Variants in SUPT3H observed in about 807,000 individuals in gnomAD.
SUPT3H encodes the protein transcription initiation protein SPT3 homolog.
Under a neutral mutation model 44.3 loss-of-function variants are expected in SUPT3H, and 44 were observed. The observed-to-expected ratio is 0.99, with a 90% CI of 0.78 to 1.28. SUPT3H has a LOEUF of 1.28. SUPT3H is among the 50% of genes most tolerant of loss of function. The pLI, the probability that SUPT3H is intolerant of heterozygous loss-of-function variation, is 0.00. For synonymous variants in SUPT3H, 124 were observed against 125.6 expected (o/e 0.99, Z 0.09); for missense variants, 380 against 387.1 (o/e 0.98, Z 0.15).
At chr6:45,129,609 T>G (rs1162973846) in intron 2 of SUPT3H, among the ~76,000 whole-genome samples, 2 of 152,152 alleles carry the variant, frequency 1.3e-5, no homozygotes, top group African/African-American at 2.4e-5. Context: ...ACTTGTGCTG[T>G]TTTTTTGTAC....
intron 2 of SUPT3H, among the ~76,000 whole-genome samples, chr6:45,287,514 T>C (rs936627197): frequency 3.9e-5 from 6 of 152,170 alleles, no homozygotes; most frequent in African/African-American, 1.4e-4. Context: ...AGGATGAATA[T>C]TGCATGATTC....
At chr6:45,343,526 A>T (rs556019347) in intron 2 of SUPT3H, among the ~76,000 whole-genome samples, 6 of 152,200 alleles carry the variant, frequency 3.9e-5, no homozygotes, top group Non-Finnish European at 7.4e-5. Context: ...TACACCCCTC[A>T]GTTTACCCAC....
At chr6:44,970,055 A>G (rs1294107434) in intron 6 of SUPT3H, among the ~76,000 whole-genome samples, 1 of 152,198 alleles carries the variant, frequency 6.6e-6, no homozygotes, top group Non-Finnish European at 1.5e-5. Context: ...GTTTCAAAAT[A>G]TTGAATTCAG....
intron 2 of SUPT3H, among the ~76,000 whole-genome samples, chr6:45,204,275 A>AAGAAGAAGAAGAAGAAGC (rs1762879673): frequency 6.6e-6 from 1 of 151,612 alleles, no homozygotes; most frequent in East Asian, 1.9e-4. Context: ...GAAGAAGAAG[A>AAGAAGAAGAAGAAGAAGC]AGAAGAACCA....
intron 2 of SUPT3H, among the ~76,000 whole-genome samples, chr6:45,342,065 AC>A (rs79663736): frequency 0.11 from 17,017 of 152,148 alleles, 1,347 homozygotes; most frequent in East Asian, 0.26. Flanking sequence ...AAAGAAACTA[AC>A]AGAAGAATTT....
intron 2 of SUPT3H, among the ~76,000 whole-genome samples, chr6:45,240,794 C>T (rs757283610): frequency 6.6e-5 from 10 of 152,148 alleles, no homozygotes; most frequent in African/African-American, 2.4e-4. Flanking sequence ...AGAGGCACCT[C>T]AACCTCAGAT....
intron 3 of SUPT3H, among the ~76,000 whole-genome samples, chr6:45,081,648 T>G (rs1480791930): frequency 6.6e-6 from 1 of 152,162 alleles, no homozygotes; most frequent in Non-Finnish European, 1.5e-5. Context: ...CCAATCTAAC[T>G]CTACGTCTTA....
intron 2 of SUPT3H, among the ~76,000 whole-genome samples, chr6:45,360,252 A>G (rs913895288): frequency 6.6e-6 from 1 of 152,192 alleles, no homozygotes; most frequent in Non-Finnish European, 1.5e-5. Flanking sequence ...AAAGGGGAAT[A>G]ATAGCATCTA....
At chr6:44,944,198 T>C (rs980328117) in intron 9 of SUPT3H, among the ~76,000 whole-genome samples, 1 of 152,102 alleles carries the variant, frequency 6.6e-6, no homozygotes, top group African/African-American at 2.4e-5. Flanking sequence ...AACAGTGTAA[T>C]AACTCCCAAG....
rs1554339651 is a variant in SUPT3H at position 45,315,974 on chromosome 6, T to TA, written c.101+49226_101+49227insT. Among the ~76,000 whole-genome samples the TA allele has an allele frequency of 1.5e-4, 22 of 150,282 alleles. No individual in the cohort carries two copies. The East Asian group carries it at 2.2e-3, about 15-fold the overall frequency. On this transcript the variant is annotated intron_variant, in intron 2 of 10. Transcript: ENST00000371459. ...ATAGATAGATAGATAGATAGATAGA[T>TA]GATGGAATACTACTCAACCATACAA... is the stretch of plus-strand genomic sequence containing the variant.
intron 2 of SUPT3H, among the ~76,000 whole-genome samples, chr6:45,126,300 G>A (rs1244046139): frequency 6.6e-6 from 1 of 152,140 alleles, no homozygotes; most frequent in East Asian, 1.9e-4. Context: ...GATAAAAAAT[G>A]TCCTCCCTTG....
At chr6:45,031,418 G>A (rs1166920125) in intron 3 of SUPT3H, among the ~76,000 whole-genome samples, 1 of 152,018 alleles carries the variant, frequency 6.6e-6, no homozygotes, top group Non-Finnish European at 1.5e-5. Flanking sequence ...TCACTTTCTT[G>A]TAAAATGTAA....
intron 3 of SUPT3H, chr6:45,098,894 G>T (rs1798157762): frequency 3.7e-6 from 2 of 541,464 alleles, no homozygotes; most frequent in African/African-American, 3.8e-5. Flanking sequence ...GTCAATGGCT[G>T]TAGACTCAAC....
chr6:45,029,998 C>T (rs923195700), intron 3 of SUPT3H, among the ~76,000 whole-genome samples: 3 of 152,290 alleles, frequency 2.0e-5, no homozygotes, highest in South Asian at 4.1e-4. Context: ...CTCCTTGGCT[C>T]AAGTGATACT....
chr6:44,995,203 T>A (rs925704854), intron 6 of SUPT3H, among the ~76,000 whole-genome samples: 2 of 152,098 alleles, frequency 1.3e-5, no homozygotes, highest in Admixed American at 6.6e-5. Flanking sequence ...TATCTATTGA[T>A]ATTTATTTAT....
At chr6:44,987,192 C>G (rs1582913869) in intron 6 of SUPT3H, among the ~76,000 whole-genome samples, 1 of 150,816 alleles carries the variant, frequency 6.6e-6, no homozygotes, top group South Asian at 2.1e-4. Context: ...AAACTCTACT[C>G]TCATGACTTA....
intron 2 of SUPT3H, among the ~76,000 whole-genome samples, chr6:45,330,711 T>G (rs755317996): frequency 6.6e-6 from 1 of 151,924 alleles, no homozygotes. Flanking sequence ...CAAGGCATGG[T>G]AGTGAACCTT....
intron 9 of SUPT3H, among the ~76,000 whole-genome samples, chr6:44,942,684 C>T (rs1451002690): frequency 6.6e-6 from 1 of 152,112 alleles, no homozygotes; most frequent in Non-Finnish European, 1.5e-5. Flanking sequence ...CCTATCTCAG[C>T]CTCCTGAGTA....
chr6:44,913,727 T>C lies in SUPT3H; in HGVS notation c.912+18926A>G, dbSNP rs143329063. 8.5e-3 allele frequency among the ~76,000 whole-genome samples: 1,297 copies of C among 152,326 alleles called. 7 individuals carry two copies. Among genetic ancestry groups the C allele is most frequent in the Middle Eastern group, 0.017 (5 of 294 alleles). On this transcript the variant is annotated intron_variant, in intron 10 of 10. Transcript: ENST00000371459. ...TAGGTTGTGTCTATGAGAACACACA[T>C]TCATCTAACAAATAGATGCGTCTTA...
Sources: allele counts gnomAD v4.1 joint callset (sites outside exome capture counted in the v4.1 genomes callset), GRCh38; gene constraint gnomAD v4.1.1; transcripts MANE v1.5; gene names NCBI Gene and HGNC (gene_info 2026-07-23, HGNC 2026-07-21).